Variants in GRIN2A observed in about 807,000 individuals in gnomAD.
The protein encoded by GRIN2A is glutamate receptor ionotropic, NMDA 2A.
GRIN2A carries 22 observed loss-of-function variants against 113.4 expected under a neutral mutation model. That is an observed-to-expected ratio of 0.19 (90% confidence interval 0.14 to 0.28). The LOEUF (loss-of-function observed/expected upper bound fraction) is 0.28, where lower values mean the gene tolerates loss of function less well. GRIN2A is among the 10% of genes least tolerant of loss of function. The pLI is 1.00. For missense variants in GRIN2A, 1,502 were observed against 1,887.0 expected, an observed-to-expected ratio of 0.80 and a Z score of 3.78; for synonymous variants, 827 against 738.4, an observed-to-expected ratio of 1.12 and a Z score of -1.94.
At chr16:9,858,441 T>C (rs1333633523) in intron 4 of GRIN2A, among the ~76,000 whole-genome samples, 1 of 152,086 alleles carries the variant, frequency 6.6e-6, no homozygotes, top group Non-Finnish European at 1.5e-5. Context: ...AAATAGGTTG[T>C]GTGGGAGGAG....
intron 2 of GRIN2A, among the ~76,000 whole-genome samples, chr16:10,176,297 G>A (rs7498300): frequency 0.14 from 20,940 of 152,026 alleles, 1,774 homozygotes; most frequent in Non-Finnish European, 0.19. Context: ...GAACCACCTC[G>A]CTCAGCCTTA....
chr16:10,181,471 C>T (rs1339791175), intron 1 of GRIN2A: 1 of 152,396 alleles, frequency 6.6e-6, no homozygotes, highest in Non-Finnish European at 1.5e-5. Flanking sequence ...TAGGCACGCG[C>T]GCTTTTCTGC....
intron 2 of GRIN2A, chr16:10,111,802 T>G (rs2048620102): frequency 7.4e-7 from 1 of 1,359,040 alleles, no homozygotes; most frequent in South Asian, 1.2e-5. Context: ...TGGCTTCTCT[T>G]GCATCCTCAT....
chr16:9,862,503 A>G (rs1356941575), intron 4 of GRIN2A, among the ~76,000 whole-genome samples: 1 of 152,182 alleles, frequency 6.6e-6, no homozygotes, highest in Non-Finnish European at 1.5e-5. Flanking sequence ...CCAACAGGGG[A>G]AGAGCTCAAT....
rs141445721 is a variant in GRIN2A, at chr16:10,071,274, T to A, written c.414+108724A>T. 9.0e-3 allele frequency among the ~76,000 whole-genome samples: 1,363 copies of A among 152,266 alleles called. 8 individuals are homozygous for A. The highest frequency in any genetic ancestry group is 0.014 in the Non-Finnish European group (928 of 68,032). On this transcript the variant is annotated intron_variant, in intron 2 of 12. Transcript: ENST00000330684. ...ATTCGGAACATTCTATTAGCAGAAA[T>A]GCAATGTAGGAAGCTTATTGGTTCT...
At chr16:10,111,856 T>G in intron 2 of GRIN2A, 1 of 1,030,704 alleles carries the variant, frequency 9.7e-7, no homozygotes, top group Non-Finnish European at 1.5e-6. Context: ...GGGCATCATC[T>G]CCTCCCGAGA....
chr16:10,170,204 A>G (rs2050013496), intron 2 of GRIN2A, among the ~76,000 whole-genome samples: 1 of 152,226 alleles, frequency 6.6e-6, no homozygotes, highest in Non-Finnish European at 1.5e-5. Context: ...ACACCGGTTC[A>G]TGACCCTTGC....
intron 2 of GRIN2A, among the ~76,000 whole-genome samples, chr16:9,986,197 C>A (rs2045976731): frequency 6.6e-6 from 1 of 151,908 alleles, no homozygotes; most frequent in South Asian, 2.1e-4. Context: ...GAAAATCCTA[C>A]AACCAAGGAA....
chr16:9,923,956 A>T (rs2044404455), intron 3 of GRIN2A, among the ~76,000 whole-genome samples: 2 of 151,886 alleles, frequency 1.3e-5, no homozygotes, highest in South Asian at 4.1e-4. Flanking sequence ...GTGAGACCTC[A>T]TCTCTACTAA....
chr16:9,849,830 G>C lies in GRIN2A; in HGVS notation c.1254C>G (p.Ile418Met), dbSNP rs752834021. 6 of 1,614,030 alleles carry C rather than the reference G, an allele frequency of 3.7e-6. No homozygotes were observed. The highest frequency in any genetic ancestry group is 5.1e-6 in the Non-Finnish European group (6 of 1,179,948). Residue 418 changes from isoleucine to methionine, a missense_variant, in exon 5 of 13, where the codon ATC becomes ATG. Transcript: ENST00000330684. ...CGGTCAGGGGGTCTATGTCTTCCAC[G>C]ATGACGAATGGGGCCTCCTCCAGGG... is the stretch of plus-strand genomic sequence containing the variant. ...IVTLEEAPFV[I>M]VEDIDPLTET...
chr16:9,831,198 T>C (rs2042485903), intron 8 of GRIN2A, among the ~76,000 whole-genome samples: 2 of 152,324 alleles, frequency 1.3e-5, no homozygotes, highest in Admixed American at 1.3e-4. Flanking sequence ...GCACAACTGA[T>C]GCCATCCTTT....
At chr16:9,852,266 T>G (rs1254882668) in intron 4 of GRIN2A, among the ~76,000 whole-genome samples, 1 of 152,252 alleles carries the variant, frequency 6.6e-6, no homozygotes, top group East Asian at 1.9e-4. Flanking sequence ...TTTCTCGCTA[T>G]GTACAGTGTT....
intron 2 of GRIN2A, among the ~76,000 whole-genome samples, chr16:10,108,302 A>C (rs1444761257): frequency 1.3e-5 from 2 of 152,146 alleles, no homozygotes; most frequent in African/African-American, 4.8e-5. Context: ...AAACCATTGG[A>C]TCTCATGAGA....
chr16:10,111,657 C>G, intron 2 of GRIN2A: 1 of 1,556,798 alleles, frequency 6.4e-7, no homozygotes, highest in Non-Finnish European at 8.8e-7. Context: ...GTTTCATTCA[C>G]CACAACTGCA....
chr16:10,070,187 G>A (rs143752510), intron 2 of GRIN2A, among the ~76,000 whole-genome samples: 1 of 152,106 alleles, frequency 6.6e-6, no homozygotes, highest in African/African-American at 2.4e-5. Context: ...ATGGGTCCCC[G>A]AGATGCCAGC....
intron 2 of GRIN2A, among the ~76,000 whole-genome samples, chr16:10,091,441 T>C (rs2048181523): frequency 7.0e-6 from 1 of 142,934 alleles, no homozygotes. Context: ...ACCAAATACG[T>C]ATGTATGTGT....
chr16:10,120,129 G>T (rs2048806562), intron 2 of GRIN2A, among the ~76,000 whole-genome samples: 1 of 152,158 alleles, frequency 6.6e-6, no homozygotes, highest in East Asian at 1.9e-4. Flanking sequence ...TGATAATTCT[G>T]TTTTAAGTTC....
intron 2 of GRIN2A, among the ~76,000 whole-genome samples, chr16:9,942,056 G>C (rs188345341): frequency 5.3e-5 from 8 of 152,266 alleles, no homozygotes; most frequent in Non-Finnish European, 1.0e-4. Context: ...ACCCAGTGTA[G>C]TGCCCATCAA....
chr16:9,812,986 G>A (rs1302013679), intron 10 of GRIN2A, among the ~76,000 whole-genome samples: 1 of 152,216 alleles, frequency 6.6e-6, no homozygotes, highest in African/African-American at 2.4e-5. Flanking sequence ...TTGTCAACAA[G>A]ATCAAAGCGT....
Sources: allele counts gnomAD v4.1 joint callset (sites outside exome capture counted in the v4.1 genomes callset), GRCh38; gene constraint gnomAD v4.1.1; transcripts MANE v1.5; gene names NCBI Gene and HGNC (gene_info 2026-07-23, HGNC 2026-07-21).